NUP214: variants seen among roughly 807,000 people sequenced by gnomAD.
NUP214 encodes the protein nucleoporin 214, also known as nuclear pore complex protein Nup214.
A neutral mutation model predicts 196.2 loss-of-function variants in NUP214; 79 were observed. That is an observed-to-expected ratio of 0.40 (90% confidence interval 0.34 to 0.49). NUP214 has a LOEUF of 0.49. Among genes scored for constraint, NUP214 ranks in the 20% least tolerant of loss-of-function variants. NUP214 has a pLI of 0.58. For synonymous variants in NUP214, 1,020 were observed against 990.5 expected, an observed-to-expected ratio of 1.03 and a Z score of -0.56; for missense variants, 2,468 against 2,539.0, an observed-to-expected ratio of 0.97 and a Z score of 0.60.
At chr9:131,128,960 C>G (rs1168729118) in intron 3 of NUP214, among the ~76,000 whole-genome samples, 4 of 152,146 alleles carry the variant, frequency 2.6e-5, no homozygotes, top group Admixed American at 2.0e-4. Flanking sequence ...AAGTAACTGT[C>G]CAAGGTCCCA....
intron 29 of NUP214, among the ~76,000 whole-genome samples, 157 bp from the exon 30 acceptor site, chr9:131,201,490 G>A (rs1456169183): frequency 4.6e-5 from 7 of 151,874 alleles, no homozygotes; most frequent in Non-Finnish European, 1.0e-4. Context: ...GCTTGAACCT[G>A]GGAGGCAGAG....
intron 8 of NUP214, 194 bp downstream of exon 8, chr9:131,135,198 T>C (rs777609792): frequency 6.4e-5 from 33 of 517,064 alleles, no homozygotes; most frequent in Non-Finnish European, 9.9e-5. Context: ...CAAGTGATCC[T>C]TCCACCTCAG....
chr9:131,226,827 T>G (rs1433618631), intron 32 of NUP214, among the ~76,000 whole-genome samples: 1 of 152,220 alleles, frequency 6.6e-6, no homozygotes, highest in Non-Finnish European at 1.5e-5. Context: ...ACTGAGGGAT[T>G]CAGCTGACAA....
intron 17 of NUP214, among the ~76,000 whole-genome samples, chr9:131,153,800 G>A (rs573358482): frequency 1.3e-5 from 2 of 152,210 alleles, no homozygotes; most frequent in Admixed American, 6.5e-5. Flanking sequence ...GCCTGTGCTC[G>A]TACTCAAGAG....
chr9:131,155,220 G>C (rs1441141854), intron 17 of NUP214, among the ~76,000 whole-genome samples: 1 of 152,132 alleles, frequency 6.6e-6, no homozygotes, highest in Non-Finnish European at 1.5e-5. Context: ...TTGTGGTTTT[G>C]ATTTGCATTT....
At position 131,198,445 on chromosome 9, in the gene NUP214, G is replaced by C. The variant is rs1833854893; in HGVS notation, c.4951G>C (p.Ala1651Pro). 3 of 1,614,226 alleles carry C rather than the reference G, an allele frequency of 1.9e-6. No individual in the cohort carries two copies. The highest frequency in any genetic ancestry group is 1.7e-6 in the Non-Finnish European group (2 of 1,180,038). The change falls in exon 29 of 36, where the codon GCC becomes CCC. Residue 1651 changes from alanine to proline, a missense_variant. Physicochemically the swap from Ala to Pro is conservative, Grantham distance 27 (BLOSUM62 -1). Around this residue, in one of 5 missense-constraint regions of NUP214, gnomAD observed 1,801 missense variants for 1,779.4 expected, o/e 1.01. Transcript: ENST00000359428. The part of the protein sequence containing the change: ...GSSVFAQPPA[A>P]SSSSAFNQLT... Reference sequence around the variant, plus strand: ...ATCCGTCTTTGCTCAGCCTCCTGCTGCCAGTTCTAGCTCAGCTTTCAACCA... The same window carrying C: ...ATCCGTCTTTGCTCAGCCTCCTGCTCCCAGTTCTAGCTCAGCTTTCAACCA...
chr9:131,202,714 T>C (rs1249793671), intron 30 of NUP214, among the ~76,000 whole-genome samples: 1 of 152,066 alleles, frequency 6.6e-6, no homozygotes, highest in East Asian at 1.9e-4. Flanking sequence ...AGTGCTGGGA[T>C]TACAGGCGTG....
rs550881116 is a variant in NUP214 at position 131,227,584 on chromosome 9, C to T, written c.5903-576C>T. 1.6e-4 allele frequency among the ~76,000 whole-genome samples: 24 copies of T among 152,190 alleles called. No individual in the cohort carries two copies. The East Asian group carries it at 2.9e-3, about 18-fold the overall frequency. On this transcript the variant is annotated intron_variant, in intron 32 of 35. Coordinates refer to ENST00000359428, the MANE Select transcript of NUP214 (RefSeq NM_005085.4). ...AATAAATAAAAAGCACCTGGCTGGG[C>T]GCCAGCATACACGTCTCTGTCTCTG...
intron 30 of NUP214, among the ~76,000 whole-genome samples, chr9:131,206,123 TC>T (rs1439786342): frequency 4.0e-5 from 6 of 149,994 alleles, no homozygotes; most frequent in African/African-American, 1.5e-4. Flanking sequence ...TTTACATTAT[TC>T]CACATAGAAT....
intron 14 of NUP214, chr9:131,149,872 A>C (rs1451229137): frequency 6.4e-6 from 1 of 155,974 alleles, no homozygotes; most frequent in Non-Finnish European, 1.4e-5. Flanking sequence ...TCCTGCCTTG[A>C]GACCTCTGCA....
At chr9:131,163,317 A>T in intron 19 of NUP214, 144 bp downstream of exon 19, 1 of 715,696 alleles carries the variant, frequency 1.4e-6, no homozygotes, top group East Asian at 2.9e-5. Flanking sequence ...ACCCTCTCTG[A>T]TCCTTTGTTT....
At chr9:131,147,896 C>G (rs1276155671) in intron 14 of NUP214, among the ~76,000 whole-genome samples, 1 of 152,190 alleles carries the variant, frequency 6.6e-6, no homozygotes, top group Non-Finnish European at 1.5e-5. Flanking sequence ...CAGAATTTTA[C>G]GAGAACCTGG....
intron 7 of NUP214, among the ~76,000 whole-genome samples, chr9:131,134,619 G>A (rs975206599): frequency 1.3e-5 from 2 of 152,052 alleles, no homozygotes; most frequent in African/African-American, 4.8e-5. Context: ...GGCTTAGTAG[G>A]TCTAGTATAC....
At position 131,215,336 on chromosome 9, in the gene NUP214, C is replaced by G; in HGVS notation, c.5717C>G (p.Ala1906Gly). Residue 1906 changes from alanine (A) to glycine (G), a missense_variant, in exon 31 of 36, where the codon GCC (alanine) becomes GGC (glycine). Around this residue, in one of 5 missense-constraint regions of NUP214, gnomAD observed 262 missense variants for 296.5 expected, o/e 0.88. Transcript: ENST00000359428. ...GCCAACAAAAACCCATTCAGCTCGG[C>G]CAGTGGGGGCTTTGGATCCACAGCT... is the stretch of plus-strand genomic sequence containing the variant. ...DAANKNPFSS[A>G]SGGFGSTATS... 6.2e-7 allele frequency: 1 copy of G among 1,601,720 alleles called. No homozygotes were observed. Among genetic ancestry groups the G allele is most frequent in the Non-Finnish European group, 8.5e-7 (1 of 1,174,182 alleles).
intron 16 of NUP214, 78 bp downstream of exon 16, chr9:131,150,843 T>C (rs1200399651): frequency 1.0e-5 from 14 of 1,376,538 alleles, no homozygotes; most frequent in Non-Finnish European, 1.4e-5. Flanking sequence ...TGGGGTTATG[T>C]ACTTTATTTC....
At chr9:131,187,143 T>A (rs1833470781) in intron 24 of NUP214, 146 bp from the exon 25 acceptor site, 2 of 617,868 alleles carry the variant, frequency 3.2e-6, no homozygotes, top group East Asian at 2.8e-5. Context: ...TCAAAAAAAA[T>A]GTCAAATCAG....
At chr9:131,180,314 T>A (rs1346181004) in intron 24 of NUP214, among the ~76,000 whole-genome samples, 1 of 152,216 alleles carries the variant, frequency 6.6e-6, no homozygotes, top group Non-Finnish European at 1.5e-5. Context: ...TAAACTCTAC[T>A]CCAAACATAA....
At chr9:131,204,294 G>A (rs555524809) in intron 30 of NUP214, among the ~76,000 whole-genome samples, 2 of 152,192 alleles carry the variant, frequency 1.3e-5, no homozygotes, top group Non-Finnish European at 2.9e-5. Flanking sequence ...TAGCAAATTT[G>A]AAGAAGAACC....
At position 131,150,653 on chromosome 9, in the gene NUP214, C is replaced by T; in HGVS notation, c.2165C>T (p.Ala722Val). The T allele has an allele frequency of 1.2e-6, 2 of 1,613,794 alleles. No individual in the cohort carries two copies. Among genetic ancestry groups the T allele is most frequent in the Non-Finnish European group, 1.7e-6 (2 of 1,179,928 alleles). ...CAGAAGGAGTTGGAAGAGTTAAAAG[C>T]CCGAACTTCCAAAGCCTGTTTCCAA... ...HFQKELEELK[A>V]RTSKACFQVG... The change falls in exon 16 of 36, where the codon GCC (alanine) becomes GTC (valine). Residue 722 changes from alanine to valine, a missense_variant. By Grantham distance (64) the Ala-to-Val change is moderately conservative (BLOSUM62 0). Coordinates refer to ENST00000359428, the MANE Select transcript of NUP214 (RefSeq NM_005085.4).
Sources: allele counts gnomAD v4.1 joint callset (sites outside exome capture counted in the v4.1 genomes callset), GRCh38; gene constraint gnomAD v4.1.1; regional missense constraint gnomAD v4.1.1; transcripts MANE v1.5; gene names NCBI Gene and HGNC (gene_info 2026-07-23, HGNC 2026-07-21).